Variants in AUTS2 observed in about 807,000 individuals in gnomAD.
AUTS2 encodes the protein activator of transcription and developmental regulator AUTS2, also known as autism susceptibility gene 2 protein.
Under a neutral mutation model 112.4 loss-of-function variants are expected in AUTS2, and 17 were observed. That is an observed-to-expected ratio of 0.15 (90% CI 0.10 to 0.23). AUTS2 has a LOEUF of 0.23. Ranked by LOEUF, AUTS2 falls within the 10% of genes least tolerant of loss-of-function variation. The probability of loss-of-function intolerance (pLI) is 1.00; values close to 1 mark genes in which losing one functional copy is unlikely to be tolerated. For synonymous variants in AUTS2, 751 were observed against 702.7 expected, an observed-to-expected ratio of 1.07 and a Z score of -1.09; for missense variants, 1,510 against 1,701.6, an observed-to-expected ratio of 0.89 and a Z score of 1.98.
At chr7:70,074,647 A>G (rs886448673) in intron 2 of AUTS2, among the ~76,000 whole-genome samples, 1 of 152,170 alleles carries the variant, frequency 6.6e-6, no homozygotes, top group Non-Finnish European at 1.5e-5. Context: ...CCGGTCTTCT[A>G]GCTACTAAGA....
chr7:69,970,106 C>T (rs982381875), intron 2 of AUTS2, among the ~76,000 whole-genome samples: 2 of 152,128 alleles, frequency 1.3e-5, no homozygotes, highest in African/African-American at 4.8e-5. Flanking sequence ...CACACATGTT[C>T]CTCTGTAAGA....
intron 2 of AUTS2, among the ~76,000 whole-genome samples, chr7:70,010,932 A>C (rs1372011988): frequency 6.6e-6 from 1 of 152,176 alleles, no homozygotes; most frequent in Non-Finnish European, 1.5e-5. Context: ...TCAAAGCTTC[A>C]TTGTTGGGCA....
At chr7:70,774,340 G>A in intron 12 of AUTS2, 2 of 512,718 alleles carry the variant, frequency 3.9e-6, no homozygotes, top group Non-Finnish European at 6.9e-6. Flanking sequence ...ATGAGTTACG[G>A]TCTGAGCCCA....
intron 4 of AUTS2, among the ~76,000 whole-genome samples, chr7:70,151,971 G>A (rs188793891): frequency 3.6e-4 from 55 of 152,230 alleles, no homozygotes; most frequent in African/African-American, 9.1e-4. Flanking sequence ...GTGGTATTCC[G>A]TATGTTCAGA....
At chr7:70,138,811 A>G (rs186186066) in intron 4 of AUTS2, among the ~76,000 whole-genome samples, 1 of 152,316 alleles carries the variant, frequency 6.6e-6, no homozygotes, top group Admixed American at 6.5e-5. Flanking sequence ...TTGTGTAGGT[A>G]GTGCTGGTAA....
chr7:70,781,821 G>A (rs1456603996), intron 15 of AUTS2, 65 bp downstream of exon 15: 2 of 1,573,846 alleles, frequency 1.3e-6, no homozygotes, highest in Non-Finnish European at 1.7e-6. Flanking sequence ...CTAAATAAAT[G>A]AGGTTTGGGC....
intron 4 of AUTS2, among the ~76,000 whole-genome samples, chr7:70,273,085 G>C (rs527644998): frequency 2.0e-5 from 3 of 152,094 alleles, no homozygotes; most frequent in African/African-American, 4.8e-5. Flanking sequence ...GTCTCACTCT[G>C]TCTCCCAGTC....
intron 4 of AUTS2, among the ~76,000 whole-genome samples, chr7:70,230,957 A>G (rs757137554): frequency 1.3e-5 from 2 of 152,248 alleles, no homozygotes; most frequent in Non-Finnish European, 2.9e-5. Context: ...GCACTTCTGC[A>G]TCAGGAAGCA....
intron 2 of AUTS2, among the ~76,000 whole-genome samples, chr7:69,972,388 C>A (rs955573881): frequency 6.6e-6 from 1 of 152,046 alleles, no homozygotes; most frequent in African/African-American, 2.4e-5. Context: ...CACATATTTT[C>A]TTCTAATTTA....
intron 5 of AUTS2, among the ~76,000 whole-genome samples, chr7:70,556,499 A>T (rs1451995728): frequency 6.6e-6 from 1 of 152,196 alleles, no homozygotes; most frequent in African/African-American, 2.4e-5. Context: ...TGACAATCGC[A>T]GCTGTGATCA....
intron 1 of AUTS2, among the ~76,000 whole-genome samples, chr7:69,795,449 G>A (rs762308814): frequency 7.2e-5 from 11 of 152,188 alleles, no homozygotes; most frequent in Non-Finnish European, 1.3e-4. Flanking sequence ...GGACATCGAG[G>A]CAGGAGGATC....
At chr7:70,466,780 G>A (rs1006659020) in intron 5 of AUTS2, among the ~76,000 whole-genome samples, 6 of 152,174 alleles carry the variant, frequency 3.9e-5, no homozygotes, top group African/African-American at 1.4e-4. Context: ...GTCTTGAAAA[G>A]ATCAATTGGG....
chr7:70,410,414 A>ATTTAT (rs1794725101), intron 4 of AUTS2, among the ~76,000 whole-genome samples: 1 of 133,876 alleles, frequency 7.5e-6, no homozygotes. Flanking sequence ...TTATTTATTT[A>ATTTAT]TTTATTTATT....
intron 1 of AUTS2, among the ~76,000 whole-genome samples, chr7:69,869,634 A>C (rs1793392692): frequency 6.6e-6 from 1 of 152,098 alleles, no homozygotes; most frequent in Non-Finnish European, 1.5e-5. Flanking sequence ...TTGGATTAAT[A>C]AATGGATAGC....
chr7:70,658,058 T>C (rs569508962), intron 5 of AUTS2, among the ~76,000 whole-genome samples: 3 of 152,362 alleles, frequency 2.0e-5, no homozygotes, highest in South Asian at 4.1e-4. Flanking sequence ...CATGCTTGTT[T>C]AAATATTTTG....
chr7:69,879,826 G>A (rs566256670), intron 1 of AUTS2, among the ~76,000 whole-genome samples: 1 of 152,190 alleles, frequency 6.6e-6, no homozygotes, highest in East Asian at 1.9e-4. Context: ...TTGAGACAAG[G>A]TCTTACCCTG....
intron 1 of AUTS2, among the ~76,000 whole-genome samples, chr7:69,737,795 C>T (rs1318289578): frequency 6.6e-6 from 1 of 152,160 alleles, no homozygotes; most frequent in Non-Finnish European, 1.5e-5. Flanking sequence ...CCAAACAAGT[C>T]ATTGACATTT....
At chr7:69,741,052 T>G (rs1430567846) in intron 1 of AUTS2, among the ~76,000 whole-genome samples, 2 of 152,290 alleles carry the variant, frequency 1.3e-5, no homozygotes, top group East Asian at 3.9e-4. Flanking sequence ...CAAAAACAAG[T>G]GCTGTGTATG....
chr7:70,321,654 T>C (rs549773110), intron 4 of AUTS2, among the ~76,000 whole-genome samples: 1 of 152,308 alleles, frequency 6.6e-6, no homozygotes, highest in African/African-American at 2.4e-5. Flanking sequence ...CATGCACTTC[T>C]AAGTTAGAAA....
Sources: gnomAD v4.1 joint callset for allele counts (sites outside exome capture counted in the v4.1 genomes callset) on GRCh38, gnomAD v4.1.1 for gene constraint, MANE v1.5 for transcripts, NCBI Gene and HGNC (gene_info 2026-07-23, HGNC 2026-07-21) for gene names.